Variants in SECISBP2 observed in about 807,000 individuals in gnomAD.
The protein encoded by SECISBP2 is SECIS binding protein 2.
Under a neutral mutation model 98.2 loss-of-function variants are expected in SECISBP2, and 96 were observed. The observed-to-expected ratio is 0.98, with a 90% CI of 0.83 to 1.16. The LOEUF (loss-of-function observed/expected upper bound fraction) is 1.16, where lower values mean the gene tolerates loss of function less well. Among genes scored for constraint, SECISBP2 ranks in the 50% most tolerant of loss-of-function variants. The probability of loss-of-function intolerance (pLI) is 0.00; values close to 1 mark genes in which losing one functional copy is unlikely to be tolerated. For missense variants in SECISBP2, 1,046 were observed against 1,022.9 expected, an observed-to-expected ratio of 1.02 and a Z score of -0.31; for synonymous variants, 407 against 370.2, an observed-to-expected ratio of 1.10 and a Z score of -1.14.
chr9:89,318,576 C>A lies in SECISBP2; in HGVS notation c.-1C>A. The stretch of plus-strand genomic sequence containing the variant: ...ACGCGGCCTCCTCCGCGCCTCGCGG[C>A]ATGGCGTCGGAGGGGCCGCGGGAGC... On this transcript the variant is annotated 5_prime_UTR_variant, in exon 1 of 17. Coordinates refer to ENST00000375807, the MANE Select transcript of SECISBP2 (RefSeq NM_024077.5). 1 of 1,500,792 alleles carries A rather than the reference C, an allele frequency of 6.7e-7. No homozygotes were observed. The highest frequency in any genetic ancestry group is 8.8e-7 in the Non-Finnish European group (1 of 1,131,016). 93.0% of individuals were successfully genotyped at this position (1,500,792 alleles called of 1,614,324 possible).
chr9:89,330,771 G>A (rs2131663823), intron 5 of SECISBP2, among the ~76,000 whole-genome samples: 1 of 152,346 alleles, frequency 6.6e-6, no homozygotes, highest in African/African-American at 2.4e-5. Flanking sequence ...TAGCCACGGC[G>A]CTGCCGGTCT....
In SECISBP2 at chr9:89,318,543, C is replaced by G. The variant is rs1825088152; in HGVS notation, c.-34C>G. On this transcript the variant is annotated 5_prime_UTR_variant, in exon 1 of 17. Coordinates refer to ENST00000375807, the MANE Select transcript of SECISBP2 (RefSeq NM_024077.5). Reference sequence around the variant, plus strand: ...CGGCAAGCCGACGGCCCGCTGCTGGCCTCCGTGACGCGGCCTCCTCCGCGC... The same window carrying G: ...CGGCAAGCCGACGGCCCGCTGCTGGGCTCCGTGACGCGGCCTCCTCCGCGC... 6.6e-7 allele frequency: 1 copy of G among 1,511,834 alleles called. No homozygotes were observed. The highest frequency in any genetic ancestry group is 8.8e-7 in the Non-Finnish European group (1 of 1,135,678). The allele number at this position is 1,511,834 out of a possible 1,614,324, so 93.7% of individuals were successfully genotyped here.
At chr9:89,337,163 TTTTG>T (rs1828887753) in intron 7 of SECISBP2, among the ~76,000 whole-genome samples, 1 of 152,224 alleles carries the variant, frequency 6.6e-6, no homozygotes, top group Non-Finnish European at 1.5e-5. Context: ...AGTTAACAGA[TTTTG>T]TTTTATTTTC....
downstream of SECISBP2, chr9:89,360,667 G>A (rs1304582275): frequency 6.6e-6 from 1 of 152,114 alleles, no homozygotes; most frequent in East Asian, 1.9e-4. Context: ...TCATTTTCTT[G>A]GCAGTGAAGG....
chr9:89,357,370 G>T (rs1268672443), intron 14 of SECISBP2, 41 bp from the exon 15 acceptor site: 1 of 1,610,156 alleles, frequency 6.2e-7, no homozygotes, highest in East Asian at 2.2e-5. Flanking sequence ...CACACTCCAT[G>T]TGACATGTCT....
At chr9:89,352,216 C>T (rs989389744) in intron 14 of SECISBP2, among the ~76,000 whole-genome samples, 1 of 152,196 alleles carries the variant, frequency 6.6e-6, no homozygotes. Flanking sequence ...AGCCAGCTGC[C>T]TCAGTCTCCT....
At chr9:89,351,419 T>C (rs182224898) in intron 14 of SECISBP2, among the ~76,000 whole-genome samples, 2 of 152,318 alleles carry the variant, frequency 1.3e-5, no homozygotes, top group African/African-American at 4.8e-5. Flanking sequence ...GCTTGTGCTG[T>C]CTTGGCTCCT....
intron 14 of SECISBP2, chr9:89,354,677 A>G (rs896542853): frequency 1.6e-6 from 1 of 634,278 alleles, no homozygotes; most frequent in African/African-American, 2.0e-5. Context: ...CCCAAAATCC[A>G]AGTTCACAGA....
At chr9:89,351,859 T>C (rs1351599288) in intron 14 of SECISBP2, among the ~76,000 whole-genome samples, 12 of 152,292 alleles carry the variant, frequency 7.9e-5, no homozygotes. Context: ...ACAGGCCACA[T>C]GCTTCCCTGG....
intron 7 of SECISBP2, among the ~76,000 whole-genome samples, chr9:89,336,434 A>G (rs1349217640): frequency 6.6e-5 from 10 of 151,846 alleles, no homozygotes; most frequent in Non-Finnish European, 1.5e-5. Flanking sequence ...GTATACGGAT[A>G]TATTATGTTA....
At chr9:89,323,514 G>A (rs1277357715) in intron 2 of SECISBP2, 1 of 152,588 alleles carries the variant, frequency 6.6e-6, no homozygotes, top group Non-Finnish European at 1.5e-5. Context: ...TGGAGGGAGA[G>A]GCAAGAAGGA....
At chr9:89,318,778 G>C in intron 1 of SECISBP2, 166 bp downstream of exon 1, 1 of 1,254,304 alleles carries the variant, frequency 8.0e-7, no homozygotes, top group South Asian at 2.1e-5. Flanking sequence ...CCCCGCCTCG[G>C]GTCCGCCTTG....
chr9:89,341,123 T>C (rs1390498540), intron 9 of SECISBP2, among the ~76,000 whole-genome samples: 1 of 152,164 alleles, frequency 6.6e-6, no homozygotes, highest in Non-Finnish European at 1.5e-5. Flanking sequence ...GTGTAGGTGA[T>C]TTAATATAAA....
intron 12 of SECISBP2, 44 bp from the exon 13 acceptor site, chr9:89,349,732 C>T: frequency 6.2e-7 from 1 of 1,611,682 alleles, no homozygotes. Flanking sequence ...AGTGTGTGCA[C>T]TGGGCCTCAC....
chr9:89,352,821 T>C (rs2132024018), intron 14 of SECISBP2, among the ~76,000 whole-genome samples: 1 of 152,318 alleles, frequency 6.6e-6, no homozygotes, highest in East Asian at 1.9e-4. Context: ...GGGAGCTGTT[T>C]TTGTCCTCTG....
Position 89,357,497 on chromosome 9 carries a change from C to T in SECISBP2, c.2200C>T (p.Leu734=). 1 of 1,614,206 alleles carries T rather than the reference C, an allele frequency of 6.2e-7. No individual in the cohort carries two copies. Among genetic ancestry groups the T allele is most frequent in the Non-Finnish European group, 8.5e-7 (1 of 1,180,044 alleles). ...TGTGTTTGCTCTCAACCGCAAAGCT[C>T]TGGGGCGCAGTTTGAATAAGGCAGT... ...PFVFALNRKA[L]GRSLNKAVPV... is the part of the protein sequence containing the mutation. The change falls in exon 15 of 17, where the codon CTG becomes TTG. Residue 734 remains leucine, a synonymous_variant. Coordinates refer to ENST00000375807, the MANE Select transcript of SECISBP2 (RefSeq NM_024077.5).
chr9:89,357,187 T>C lies in SECISBP2; in HGVS notation c.2114-224T>C, dbSNP rs991174894. On this transcript the variant is annotated intron_variant, in intron 14 of 16. Transcript: ENST00000375807. ...TTTCAGTAATACTAATAGTTAACTT[T>C]TCCTGTTAAGACAATACCAGCTGTG... 1.0e-5 allele frequency: 6 copies of C among 586,914 alleles called. No homozygotes were observed. In the African/African-American group the frequency reaches 1.1e-4, roughly 11 times the overall value. 36.4% of individuals were successfully genotyped at this position (586,914 alleles called of 1,614,324 possible). A position where few individuals can be genotyped will look rare whatever the true frequency, so the allele number is the denominator to read the frequency against.
At chr9:89,334,974 G>A (rs376866931) in intron 7 of SECISBP2, among the ~76,000 whole-genome samples, 7 of 152,260 alleles carry the variant, frequency 4.6e-5, no homozygotes, top group South Asian at 4.1e-4. Flanking sequence ...CAGCACTTTG[G>A]GAGGCCAAGG....
downstream of SECISBP2, chr9:89,363,287 T>C: frequency 3.2e-6 from 4 of 1,256,446 alleles, no homozygotes; most frequent in Non-Finnish European, 4.3e-6. Flanking sequence ...GTGTTGCAGA[T>C]TTCATAAAGG....
Sources: allele counts gnomAD v4.1 joint callset (sites outside exome capture counted in the v4.1 genomes callset), GRCh38; gene constraint gnomAD v4.1.1; transcripts MANE v1.5; gene names NCBI Gene and HGNC (gene_info 2026-07-23, HGNC 2026-07-21).